Variants in KDM4C observed in about 807,000 individuals in gnomAD.
KDM4C encodes lysine-specific demethylase 4C.
KDM4C carries 81 observed loss-of-function variants against 129.3 expected under a neutral mutation model. That is an observed-to-expected ratio of 0.63 (90% confidence interval 0.52 to 0.75). The LOEUF is 0.75. Among genes scored for constraint, KDM4C ranks in the 30% least tolerant of loss-of-function variants. The pLI is 0.00. For missense variants in KDM4C, 1,457 were observed against 1,304.0 expected, an observed-to-expected ratio of 1.12 and a Z score of -1.81; for synonymous variants, 573 against 456.1, an observed-to-expected ratio of 1.26 and a Z score of -3.26.
At chr9:6,742,227 G>T (rs1234672169) in intron 1 of KDM4C, among the ~76,000 whole-genome samples, 2 of 152,036 alleles carry the variant, frequency 1.3e-5, no homozygotes, top group Non-Finnish European at 2.9e-5. Flanking sequence ...AGTTAGTCAG[G>T]CTGGTCTCGA....
Position 6,883,342 on chromosome 9 carries a change from A to G in KDM4C, c.679+3281A>G, listed in dbSNP as rs143824912. On this transcript the variant is annotated intron_variant, in intron 6 of 21. Coordinates refer to ENST00000381309, the MANE Select transcript of KDM4C (RefSeq NM_015061.6). ...TACCCTGTAAGCCATAAAAAATGCAAAAGACCAGTGATATATCCTCTGCCT... is the reference window on the plus strand; with the variant it reads ...TACCCTGTAAGCCATAAAAAATGCAGAAGACCAGTGATATATCCTCTGCCT... 2.2e-3 allele frequency among the ~76,000 whole-genome samples: 336 copies of G among 152,334 alleles called. 1 individual carries two copies. The highest frequency in any genetic ancestry group is 3.7e-3 in the Non-Finnish European group (249 of 68,028).
At chr9:6,742,133 T>C (rs1817721176) in intron 1 of KDM4C, among the ~76,000 whole-genome samples, 1 of 151,910 alleles carries the variant, frequency 6.6e-6, no homozygotes, top group South Asian at 2.1e-4. Context: ...CCACCATGCC[T>C]GGCTAATTTT....
chr9:6,933,878 C>T (rs1466725109), intron 8 of KDM4C, among the ~76,000 whole-genome samples: 12 of 144,084 alleles, frequency 8.3e-5, no homozygotes, highest in Non-Finnish European at 1.4e-4. Context: ...GAGATGGAGT[C>T]TCACTTTGTC....
chr9:7,174,490 T>C, intron 21 of KDM4C, 63 bp from the exon 22 acceptor site: 1 of 1,505,180 alleles, frequency 6.6e-7, no homozygotes, highest in Non-Finnish European at 9.2e-7. Context: ...AGTCAGATCT[T>C]TGTCCAGTGT....
chr9:7,142,882 A>G (rs183443881), intron 19 of KDM4C, among the ~76,000 whole-genome samples: 4 of 152,056 alleles, frequency 2.6e-5, no homozygotes, highest in East Asian at 1.9e-4. Context: ...TGTACACACA[A>G]TGTATTCATT....
chr9:6,885,747 G>A (rs1845163877), intron 6 of KDM4C, among the ~76,000 whole-genome samples: 1 of 152,118 alleles, frequency 6.6e-6, no homozygotes. Context: ...TCATTTTAAG[G>A]CACATACTTT....
intron 20 of KDM4C, among the ~76,000 whole-genome samples, chr9:7,166,789 G>A (rs1844433509): frequency 6.6e-6 from 1 of 152,172 alleles, no homozygotes; most frequent in South Asian, 2.1e-4. Context: ...AGTAATCAGT[G>A]TGTTAACTTC....
chr9:6,852,474 C>G (rs1243353358), intron 5 of KDM4C, among the ~76,000 whole-genome samples: 1 of 152,176 alleles, frequency 6.6e-6, no homozygotes, highest in East Asian at 1.9e-4. Flanking sequence ...TGATCAGAGT[C>G]ACAGGAATAT....
intron 6 of KDM4C, among the ~76,000 whole-genome samples, chr9:6,884,859 A>C (rs1845014738): frequency 6.6e-6 from 1 of 152,252 alleles, no homozygotes; most frequent in Non-Finnish European, 1.5e-5. Flanking sequence ...TTTCTTAGCA[A>C]TAGCTAATAT....
chr9:6,971,231 A>T (rs1265157403), intron 8 of KDM4C, among the ~76,000 whole-genome samples: 2 of 152,094 alleles, frequency 1.3e-5, no homozygotes, highest in Non-Finnish European at 2.9e-5. Flanking sequence ...TTGGCTCTAG[A>T]AATATGGATG....
At chr9:7,168,144 C>T (rs1362395222) in intron 20 of KDM4C, among the ~76,000 whole-genome samples, 2 of 152,082 alleles carry the variant, frequency 1.3e-5, no homozygotes, top group East Asian at 1.9e-4. Context: ...GCCGAGATCG[C>T]GCCGTTGCAC....
intron 8 of KDM4C, among the ~76,000 whole-genome samples, chr9:6,936,433 C>T (rs1406145059): frequency 6.6e-6 from 1 of 152,150 alleles, no homozygotes; most frequent in Admixed American, 6.5e-5. Flanking sequence ...TTATAGGTAA[C>T]AAAAACATTA....
In KDM4C at chr9:6,902,035, A is replaced by G. The variant is rs1247826789; in HGVS notation, c.921+8803A>G. On this transcript the variant is annotated intron_variant, in intron 8 of 21. Coordinates refer to ENST00000381309, the MANE Select transcript of KDM4C (RefSeq NM_015061.6). ...ACTCTGGTGGATGCTGTGGGTTGAG[A>G]GCCATGGGTTTTTAGGGAGTTAAAT... Among the ~76,000 whole-genome samples, 3 of 152,060 alleles carry G rather than the reference A, an allele frequency of 2.0e-5. No homozygotes were observed. In the East Asian group the frequency reaches 5.8e-4, roughly 29 times the overall value.
At chr9:7,047,224 G>T (rs1211255251) in intron 16 of KDM4C, among the ~76,000 whole-genome samples, 1 of 152,028 alleles carries the variant, frequency 6.6e-6, no homozygotes, top group Non-Finnish European at 1.5e-5. Flanking sequence ...TAGAATCCTG[G>T]TGTTTAATAT....
intron 4 of KDM4C, among the ~76,000 whole-genome samples, chr9:6,841,783 A>C (rs766736518): frequency 6.6e-6 from 1 of 152,208 alleles, no homozygotes; most frequent in Non-Finnish European, 1.5e-5. Flanking sequence ...TCTTTGGTGC[A>C]GTTCACAGAA....
At chr9:7,032,415 T>A (rs1826930504) in intron 15 of KDM4C, among the ~76,000 whole-genome samples, 1 of 152,236 alleles carries the variant, frequency 6.6e-6, no homozygotes, top group Non-Finnish European at 1.5e-5. Context: ...TGATAATTGA[T>A]GTTAGAAATT....
chr9:7,169,597 G>T (rs113391430), intron 20 of KDM4C, among the ~76,000 whole-genome samples: 3,801 of 152,266 alleles, frequency 0.025, 153 homozygotes, highest in African/African-American at 0.087. Flanking sequence ...CTCCCAAAGT[G>T]CTGGGATTAC....
intron 8 of KDM4C, among the ~76,000 whole-genome samples, chr9:6,927,493 C>T (rs1040629383): frequency 1.1e-4 from 17 of 152,094 alleles, no homozygotes; most frequent in African/African-American, 3.6e-4. Flanking sequence ...TGCTTCTGAT[C>T]ATGTTGACCT....
chr9:6,975,383 G>C (rs1832747394), intron 8 of KDM4C, among the ~76,000 whole-genome samples: 1 of 152,164 alleles, frequency 6.6e-6, no homozygotes, highest in Non-Finnish European at 1.5e-5. Flanking sequence ...GGAAAAATGT[G>C]GCCATTTAAA....
Sources: gnomAD v4.1 joint callset for allele counts (sites outside exome capture counted in the v4.1 genomes callset) on GRCh38, gnomAD v4.1.1 for gene constraint, MANE v1.5 for transcripts, NCBI Gene and HGNC (gene_info 2026-07-23, HGNC 2026-07-21) for gene names.